The following WDR70 variants were observed in gnomAD, a reference collection of about 807,000 sequenced individuals.
WDR70 encodes WD repeat domain 70, also known as WD repeat-containing protein 70.
A neutral mutation model predicts 88.6 loss-of-function variants in WDR70; 53 were observed. The ratio of observed to expected loss-of-function variants is 0.60; its 90% confidence interval spans 0.48 to 0.75. The LOEUF (loss-of-function observed/expected upper bound fraction) is 0.75, where lower values mean the gene tolerates loss of function less well. WDR70 is among the 30% of genes least tolerant of loss of function. The pLI, the probability that WDR70 is intolerant of heterozygous loss-of-function variation, is 0.00. For missense variants in WDR70, 610 were observed against 823.2 expected, an observed-to-expected ratio of 0.74 and a Z score of 3.17; for synonymous variants, 280 against 270.0, an observed-to-expected ratio of 1.04 and a Z score of -0.36.
In WDR70 at chr5:37,499,587, T is replaced by TTTTCTCTCTCTCTCTCTC. The variant is rs1554144047; in HGVS notation, c.841-16926_841-16925insTTCTCTCTCTCTCTCTCT. Among the ~76,000 whole-genome samples the TTTTCTCTCTCTCTCTCTC allele has an allele frequency of 6.5e-4, 27 of 41,858 alleles. 1 individual carries two copies. The highest frequency in any genetic ancestry group is 2.5e-3 in the South Asian group (2 of 800). The allele number at this position is 41,858 out of a possible 152,430, so 27.5% of individuals were successfully genotyped here. A position where few individuals can be genotyped will look rare whatever the true frequency, so the allele number is the denominator to read the frequency against. On this transcript the variant is annotated intron_variant, in intron 8 of 17. Transcript: ENST00000265107. ...TTTTTAAATATGTGATTTGGAAATA[T>TTTTCTCTCTCTCTCTCTC]TCTCTCTCTCTCTCTCTCTCTCTCT...
At chr5:37,607,004 TC>T (rs1308789899) in intron 10 of WDR70, among the ~76,000 whole-genome samples, 2 of 148,012 alleles carry the variant, frequency 1.4e-5, no homozygotes, top group East Asian at 4.1e-4. Flanking sequence ...AGTGGAATGA[TC>T]TCAGCTCACT....
chr5:37,647,191 A>G (rs1158766068), intron 10 of WDR70, among the ~76,000 whole-genome samples: 2 of 152,070 alleles, frequency 1.3e-5, no homozygotes, highest in South Asian at 2.1e-4. Context: ...GCATTTTTCA[A>G]CTGCAGAATT....
intron 8 of WDR70, among the ~76,000 whole-genome samples, chr5:37,496,358 A>C (rs1740214302): frequency 1.3e-5 from 2 of 152,106 alleles, no homozygotes; most frequent in Non-Finnish European, 2.9e-5. Context: ...AGCTGTAAAC[A>C]CTCACTGTGA....
chr5:37,619,400 C>T (rs1337657434), intron 10 of WDR70, among the ~76,000 whole-genome samples: 1 of 152,042 alleles, frequency 6.6e-6, no homozygotes, highest in Non-Finnish European at 1.5e-5. Flanking sequence ...TCTAAAAAGC[C>T]TATATAAGGG....
intron 10 of WDR70, chr5:37,620,150 A>G (rs1744466524): frequency 6.6e-6 from 1 of 152,168 alleles, no homozygotes; most frequent in African/African-American, 2.4e-5. Flanking sequence ...CAACAAAGTA[A>G]TGCAAGGATC....
intron 8 of WDR70, among the ~76,000 whole-genome samples, chr5:37,487,223 C>T (rs1310610241): frequency 6.6e-6 from 1 of 152,088 alleles, no homozygotes; most frequent in Admixed American, 6.6e-5. Context: ...CTCCATTTCC[C>T]AGATGCAAAT....
intron 10 of WDR70, among the ~76,000 whole-genome samples, chr5:37,620,388 CA>C (rs746726658): frequency 5.3e-5 from 8 of 152,152 alleles, no homozygotes; most frequent in Non-Finnish European, 8.8e-5. Context: ...CTCCATTTTT[CA>C]GGTAGTAACC....
At chr5:37,647,769 GAGCTGCCTGAAGT>G (rs1310257244) in intron 10 of WDR70, among the ~76,000 whole-genome samples, 1 of 152,176 alleles carries the variant, frequency 6.6e-6, no homozygotes, top group Non-Finnish European at 1.5e-5. Context: ...TCCCTGTGCT[GAGCTGCCTGAAGT>G]TAGAGGAGGA....
At chr5:37,391,409 C>T (rs1366919471) in intron 3 of WDR70, among the ~76,000 whole-genome samples, 1 of 152,154 alleles carries the variant, frequency 6.6e-6, no homozygotes, top group Non-Finnish European at 1.5e-5. Context: ...TTAAACAATT[C>T]TTCATTTCCC....
At chr5:37,629,232 A>G (rs915583746) in intron 10 of WDR70, among the ~76,000 whole-genome samples, 2 of 152,110 alleles carry the variant, frequency 1.3e-5, no homozygotes, top group Non-Finnish European at 2.9e-5. Flanking sequence ...ACTTATTACA[A>G]TTTGACTATG....
At chr5:37,683,527 G>A (rs1746499492) in intron 10 of WDR70, among the ~76,000 whole-genome samples, 1 of 152,148 alleles carries the variant, frequency 6.6e-6, no homozygotes, top group Non-Finnish European at 1.5e-5. Context: ...TGCTTATAAG[G>A]CAGGGCTGGT....
At chr5:37,652,605 T>C (rs1248190506) in intron 10 of WDR70, among the ~76,000 whole-genome samples, 1 of 152,244 alleles carries the variant, frequency 6.6e-6, no homozygotes, top group African/African-American at 2.4e-5. Flanking sequence ...TTATGTCCTC[T>C]CTTATTTCAT....
At chr5:37,708,058 A>C (rs971610401) in intron 13 of WDR70, among the ~76,000 whole-genome samples, 2 of 137,908 alleles carry the variant, frequency 1.5e-5, no homozygotes, top group African/African-American at 5.1e-5. Context: ...AGGAAGAAAA[A>C]ACCTCATTTT....
At chr5:37,693,102 C>G (rs12527413) in intron 10 of WDR70, among the ~76,000 whole-genome samples, 10 of 152,154 alleles carry the variant, frequency 6.6e-5, no homozygotes, top group Non-Finnish European at 1.3e-4. Flanking sequence ...TGAGTGAACT[C>G]CCATTCACAA....
intron 5 of WDR70, among the ~76,000 whole-genome samples, chr5:37,430,641 A>G (rs1006027719): frequency 6.6e-6 from 1 of 151,650 alleles, no homozygotes; most frequent in East Asian, 1.9e-4. Context: ...GCTCACTGCA[A>G]CCTCCGCTTC....
chr5:37,567,602 C>T (rs781642303), intron 9 of WDR70, among the ~76,000 whole-genome samples: 86 of 151,974 alleles, frequency 5.7e-4, no homozygotes, highest in Non-Finnish European at 1.1e-3. Context: ...GGCTTTTTCA[C>T]TGAGTTTGGA....
At chr5:37,396,659 G>C in intron 5 of WDR70, 89 bp downstream of exon 5, 3 of 1,437,890 alleles carry the variant, frequency 2.1e-6, no homozygotes, top group Non-Finnish European at 2.7e-6. Context: ...TCATGAGTAA[G>C]AGCCAATTTA....
intron 9 of WDR70, among the ~76,000 whole-genome samples, chr5:37,529,841 T>G (rs1741426629): frequency 6.6e-6 from 1 of 152,174 alleles, no homozygotes. Context: ...TTGCACTGGT[T>G]AGGACTTCCA....
chr5:37,578,238 GA>G (rs1743114020), intron 9 of WDR70, among the ~76,000 whole-genome samples: 1 of 152,190 alleles, frequency 6.6e-6, no homozygotes, highest in Admixed American at 6.5e-5. Flanking sequence ...TTTCATTAAG[GA>G]TGGTGCATGA....
Sources: gnomAD v4.1 joint callset for allele counts (sites outside exome capture counted in the v4.1 genomes callset) on GRCh38, gnomAD v4.1.1 for gene constraint, MANE v1.5 for transcripts, NCBI Gene and HGNC (gene_info 2026-07-23, HGNC 2026-07-21) for gene names.